The following GRM3 variants were observed in gnomAD, a reference collection of about 807,000 sequenced individuals.
The protein encoded by GRM3 is metabotropic glutamate receptor 3.
In GRM3, 26 loss-of-function variants were observed where a neutral mutation model predicts 70.5. That is an observed-to-expected ratio of 0.37 (90% CI 0.27 to 0.51). GRM3 has a LOEUF of 0.51. Among genes scored for constraint, GRM3 ranks in the 20% least tolerant of loss-of-function variants. The pLI is 0.93. For missense variants in GRM3, 859 were observed against 1,123.8 expected, an observed-to-expected ratio of 0.76 and a Z score of 3.37; for synonymous variants, 443 against 434.9, an observed-to-expected ratio of 1.02 and a Z score of -0.23.
intron 2 of GRM3, among the ~76,000 whole-genome samples, chr7:86,782,023 T>C (rs761877364): frequency 1.4e-4 from 21 of 152,160 alleles, no homozygotes; most frequent in Non-Finnish European, 2.4e-4. Context: ...AATTCACTCT[T>C]ATTAAACCCA....
intron 1 of GRM3, among the ~76,000 whole-genome samples, chr7:86,679,106 T>A (rs1481485986): frequency 6.6e-6 from 1 of 152,066 alleles, no homozygotes; most frequent in African/African-American, 2.4e-5. Context: ...CCTTGATTCA[T>A]CTTTTTCTCT....
chr7:86,802,011 A>G (rs1485129401), intron 3 of GRM3, among the ~76,000 whole-genome samples: 1 of 152,204 alleles, frequency 6.6e-6, no homozygotes, highest in African/African-American at 2.4e-5. Flanking sequence ...GCTAAAACCA[A>G]TTAAATTTTA....
chr7:86,706,338 G>C (rs986949156), intron 1 of GRM3, among the ~76,000 whole-genome samples: 1 of 151,996 alleles, frequency 6.6e-6, no homozygotes, highest in African/African-American at 2.4e-5. Flanking sequence ...AATTTGTATG[G>C]TATGATAAAA....
At chr7:86,806,927 G>T (rs575572521) in intron 3 of GRM3, among the ~76,000 whole-genome samples, 1 of 150,532 alleles carries the variant, frequency 6.6e-6, no homozygotes, top group East Asian at 1.9e-4. Context: ...TTTGTATAAG[G>T]TTTAAGGAGG....
At chr7:86,769,423 G>A (rs1406779317) in intron 2 of GRM3, among the ~76,000 whole-genome samples, 1 of 152,126 alleles carries the variant, frequency 6.6e-6, no homozygotes, top group Non-Finnish European at 1.5e-5. Flanking sequence ...GAACTTTAGA[G>A]AATGACAGCA....
At chr7:86,701,464 T>G (rs545215088) in intron 1 of GRM3, among the ~76,000 whole-genome samples, 1 of 151,916 alleles carries the variant, frequency 6.6e-6, no homozygotes, top group African/African-American at 2.4e-5. Context: ...GTTTTAAAGA[T>G]TAAGGCATTT....
chr7:86,647,724 A>G, intron 1 of GRM3, among the ~76,000 whole-genome samples: 1 of 152,340 alleles, frequency 6.6e-6, no homozygotes, highest in South Asian at 2.1e-4. Flanking sequence ...ATTATCTACC[A>G]AGTCTGAACA....
chr7:86,647,065 T>C (rs1007045194), intron 1 of GRM3, among the ~76,000 whole-genome samples: 1 of 152,228 alleles, frequency 6.6e-6, no homozygotes, highest in South Asian at 2.1e-4. Flanking sequence ...TTGAAATTAA[T>C]ATTTGTATTG....
rs1799027088 is a variant in GRM3 at position 86,864,638 on chromosome 7, C to CAAAAAAAAAAAACAAAAAAAAAAA, written c.*286_*309dup. On this transcript the variant is annotated 3_prime_UTR_variant, in exon 6 of 6. Coordinates refer to ENST00000361669, the MANE Select transcript of GRM3 (RefSeq NM_000840.3). Reference sequence around the variant, plus strand: ...CTGACATGGTCAGTCTACTAAAAAACAAAAAAAAAAAACAAAAAAAAAAAA... The same window carrying CAAAAAAAAAAAACAAAAAAAAAAA: ...CTGACATGGTCAGTCTACTAAAAAACAAAAAAAAAAAACAAAAAAAAAAAAAAAAAAAAAAACAAAAAAAAAAAA... 1 of 45,372 alleles carries CAAAAAAAAAAAACAAAAAAAAAAA rather than the reference C, an allele frequency of 2.2e-5. No individual in the cohort carries two copies. Among genetic ancestry groups the CAAAAAAAAAAAACAAAAAAAAAAA allele is most frequent in the Non-Finnish European group, 4.4e-5 (1 of 22,474 alleles). 2.8% of individuals were successfully genotyped at this position (45,372 alleles called of 1,614,324 possible). A position where few individuals can be genotyped will look rare whatever the true frequency, so the allele number is the denominator to read the frequency against.
At chr7:86,719,486 A>T (rs1288273455) in intron 1 of GRM3, among the ~76,000 whole-genome samples, 1 of 152,094 alleles carries the variant, frequency 6.6e-6, no homozygotes, top group Non-Finnish European at 1.5e-5. Context: ...TGTGCAATGT[A>T]ATAAATGCTT....
At chr7:86,709,960 A>G (rs572886743) in intron 1 of GRM3, 1 of 152,234 alleles carries the variant, frequency 6.6e-6, no homozygotes, top group South Asian at 2.1e-4. Flanking sequence ...AATGGGAATA[A>G]CCTATTTGAG....
intron 1 of GRM3, among the ~76,000 whole-genome samples, chr7:86,654,188 G>A (rs1277437529): frequency 6.6e-6 from 1 of 152,184 alleles, no homozygotes. Context: ...TGGCAGCAGG[G>A]AGGGGGAGGC....
chr7:86,754,265 A>G (rs916946594), intron 1 of GRM3, among the ~76,000 whole-genome samples: 2 of 152,146 alleles, frequency 1.3e-5, no homozygotes, highest in African/African-American at 2.4e-5. Context: ...AAAGGTATCT[A>G]CAATTCCATG....
At chr7:86,651,385 T>C (rs1325630602) in intron 1 of GRM3, among the ~76,000 whole-genome samples, 1 of 152,178 alleles carries the variant, frequency 6.6e-6, no homozygotes, top group African/African-American at 2.4e-5. Flanking sequence ...TTATTAGTAA[T>C]ATTTGCTTAA....
chr7:86,713,534 T>C (rs184091219), intron 1 of GRM3, among the ~76,000 whole-genome samples: 6 of 152,070 alleles, frequency 3.9e-5, no homozygotes, highest in African/African-American at 1.4e-4. Context: ...CATGTTATTG[T>C]CTCAGTCTGA....
At chr7:86,711,194 TA>T (rs1393016437) in intron 1 of GRM3, among the ~76,000 whole-genome samples, 6 of 151,780 alleles carry the variant, frequency 4.0e-5, no homozygotes, top group Middle Eastern at 3.2e-3. Flanking sequence ...TTTATTTTAT[TA>T]TTATTATACT....
chr7:86,671,088 C>T (rs868153084), intron 1 of GRM3, among the ~76,000 whole-genome samples: 5 of 152,088 alleles, frequency 3.3e-5, no homozygotes, highest in Non-Finnish European at 5.9e-5. Context: ...TGGAGTGCAA[C>T]GGCACGATCT....
intron 1 of GRM3, among the ~76,000 whole-genome samples, chr7:86,696,083 C>T (rs759694903): frequency 3.3e-5 from 5 of 152,158 alleles, no homozygotes; most frequent in Non-Finnish European, 7.3e-5. Flanking sequence ...AATTCCTGGC[C>T]TTCTATTGCT....
intron 3 of GRM3, among the ~76,000 whole-genome samples, chr7:86,838,169 T>C (rs999882506): frequency 2.0e-5 from 3 of 152,192 alleles, no homozygotes; most frequent in South Asian, 4.1e-4. Flanking sequence ...AGCTAGGTTG[T>C]ATGTATTTGT....
Sources: allele counts gnomAD v4.1 joint callset (sites outside exome capture counted in the v4.1 genomes callset), GRCh38; gene constraint gnomAD v4.1.1; transcripts MANE v1.5; gene names NCBI Gene and HGNC (gene_info 2026-07-23, HGNC 2026-07-21).